SGMS1: variants seen among roughly 807,000 people sequenced by gnomAD.
SGMS1 encodes the protein sphingomyelin synthase 1, also known as phosphatidylcholine:ceramide cholinephosphotransferase 1.
A neutral mutation model predicts 46.2 loss-of-function variants in SGMS1; 13 were observed. That is an observed-to-expected ratio of 0.28 (90% CI 0.18 to 0.45). The LOEUF is 0.45. Among genes scored for constraint, SGMS1 ranks in the 20% least tolerant of loss-of-function variants. The pLI, the probability that SGMS1 is intolerant of heterozygous loss-of-function variation, is 1.00. For missense variants in SGMS1, 324 were observed against 519.9 expected (o/e 0.62, Z 3.66); for synonymous variants, 203 against 187.8 (o/e 1.08, Z -0.66).
At chr10:50,317,260 C>T (rs980244025) in intron 8 of SGMS1, among the ~76,000 whole-genome samples, 4 of 152,266 alleles carry the variant, frequency 2.6e-5, no homozygotes, top group Middle Eastern at 3.4e-3. Flanking sequence ...ACAATTTCTC[C>T]GGCCTTATTT....
At chr10:50,497,462 A>AT (rs1837624499) in intron 3 of SGMS1, among the ~76,000 whole-genome samples, 1 of 152,222 alleles carries the variant, frequency 6.6e-6, no homozygotes, top group Non-Finnish European at 1.5e-5. Context: ...AACCAGTGAG[A>AT]TTATGCAAGA....
intron 2 of SGMS1, among the ~76,000 whole-genome samples, chr10:50,525,658 G>A (rs925849761): frequency 1.3e-5 from 2 of 152,206 alleles, no homozygotes; most frequent in African/African-American, 4.8e-5. Context: ...AACATAATTT[G>A]AGGTACGAAA....
chr10:50,516,857 T>C (rs990470660), intron 3 of SGMS1, among the ~76,000 whole-genome samples: 2 of 152,160 alleles, frequency 1.3e-5, no homozygotes, highest in African/African-American at 4.8e-5. Flanking sequence ...ATGCATTGGT[T>C]AGCTCCAGGT....
At chr10:50,351,652 G>C (rs1848015011) in intron 6 of SGMS1, among the ~76,000 whole-genome samples, 1 of 152,048 alleles carries the variant, frequency 6.6e-6, no homozygotes, top group Non-Finnish European at 1.5e-5. Flanking sequence ...ATTTTTGCTT[G>C]CTCCTCATTT....
At chr10:50,454,310 T>C (rs1837162521) in intron 5 of SGMS1, among the ~76,000 whole-genome samples, 1 of 152,022 alleles carries the variant, frequency 6.6e-6, no homozygotes, top group Non-Finnish European at 1.5e-5. Context: ...AATAGAACTA[T>C]GAATGTAGCA....
At chr10:50,609,226 C>T (rs1020520323) in intron 1 of SGMS1, among the ~76,000 whole-genome samples, 1 of 152,198 alleles carries the variant, frequency 6.6e-6, no homozygotes, top group African/African-American at 2.4e-5. Context: ...CAGCCTCAGC[C>T]TCCCAAAGTG....
At chr10:50,503,993 T>C (rs1226846071) in intron 3 of SGMS1, among the ~76,000 whole-genome samples, 1 of 152,216 alleles carries the variant, frequency 6.6e-6, no homozygotes, top group Non-Finnish European at 1.5e-5. Flanking sequence ...CTATGCAACT[T>C]TGTGGCTACA....
rs114490567 is a variant in SGMS1, at chr10:50,405,645, C to T, written c.-232+27831G>A. 6.5e-3 allele frequency among the ~76,000 whole-genome samples: 989 copies of T among 152,212 alleles called. 7 individuals carry two copies. The highest frequency in any genetic ancestry group is 0.022 in the African/African-American group (930 of 41,532). ...CCTCACAAATGAAAGAAAAATCCTA[C>T]CATGTACAAATAAAATATACTAGAA... On this transcript the variant is annotated intron_variant, in intron 6 of 10. Coordinates refer to ENST00000361781, the MANE Select transcript of SGMS1 (RefSeq NM_147156.4).
intron 2 of SGMS1, among the ~76,000 whole-genome samples, chr10:50,527,353 T>C (rs1837913306): frequency 6.6e-6 from 1 of 152,238 alleles, no homozygotes; most frequent in Admixed American, 6.5e-5. Flanking sequence ...TATGTGTTCA[T>C]GCACACACTT....
intron 6 of SGMS1, among the ~76,000 whole-genome samples, chr10:50,380,061 G>C (rs1025312464): frequency 1.3e-5 from 2 of 151,994 alleles, no homozygotes; most frequent in African/African-American, 4.8e-5. Flanking sequence ...TCAAAAAATG[G>C]GACAGGCTGA....
At position 50,576,766 on chromosome 10, in the gene SGMS1, T is replaced by C. The variant is rs1292666991; in HGVS notation, c.-589+13387A>G. Among the ~76,000 whole-genome samples, 3 of 152,228 alleles carry C rather than the reference T, an allele frequency of 2.0e-5. 1 individual carries two copies. In the South Asian group the frequency reaches 6.2e-4, roughly 32 times the overall value. ...TTTTGATGTCACCCATTGCACCACA[T>C]GTATATACATAAGCTTCTGCCAATA... On this transcript the variant is annotated intron_variant, in intron 2 of 10. Coordinates refer to ENST00000361781, the MANE Select transcript of SGMS1 (RefSeq NM_147156.4).
intron 6 of SGMS1, among the ~76,000 whole-genome samples, chr10:50,425,876 A>C (rs759385932): frequency 6.6e-6 from 1 of 152,170 alleles, no homozygotes. Flanking sequence ...TTTTCCCTGA[A>C]CCTGTGGCAA....
chr10:50,309,181 A>G (rs574112679), intron 9 of SGMS1, among the ~76,000 whole-genome samples: 1 of 152,192 alleles, frequency 6.6e-6, no homozygotes, highest in Non-Finnish European at 1.5e-5. Context: ...AGTGAAGGGC[A>G]GTTTGCAATT....
At chr10:50,409,603 C>T (rs761443564) in intron 6 of SGMS1, among the ~76,000 whole-genome samples, 7 of 152,188 alleles carry the variant, frequency 4.6e-5, no homozygotes, top group Non-Finnish European at 1.0e-4. Context: ...CTGACCTTTA[C>T]TTGGACATAA....
intron 8 of SGMS1, among the ~76,000 whole-genome samples, chr10:50,323,187 G>A (rs1364873795): frequency 1.3e-5 from 2 of 152,170 alleles, no homozygotes; most frequent in Non-Finnish European, 2.9e-5. Context: ...TCGAGTGAAT[G>A]AACAATAAGA....
At chr10:50,545,333 A>G (rs929027914) in intron 2 of SGMS1, among the ~76,000 whole-genome samples, 1 of 152,134 alleles carries the variant, frequency 6.6e-6, no homozygotes, top group Non-Finnish European at 1.5e-5. Context: ...GAGGTGTCAG[A>G]GCCAAGGCAT....
intron 2 of SGMS1, among the ~76,000 whole-genome samples, chr10:50,543,368 A>G (rs2133821656): frequency 6.6e-6 from 1 of 152,372 alleles, no homozygotes; most frequent in Admixed American, 6.5e-5. Flanking sequence ...AAGTTATTTC[A>G]AAAAGCCAAG....
At chr10:50,465,872 A>G (rs1837322546) in intron 4 of SGMS1, among the ~76,000 whole-genome samples, 1 of 152,158 alleles carries the variant, frequency 6.6e-6, no homozygotes, top group South Asian at 2.1e-4. Context: ...TTCACAAACA[A>G]CCAACTTGGA....
intron 6 of SGMS1, among the ~76,000 whole-genome samples, chr10:50,391,403 A>G (rs559002585): frequency 1.3e-5 from 2 of 152,224 alleles, no homozygotes; most frequent in Non-Finnish European, 1.5e-5. Flanking sequence ...CATGCAGCCA[A>G]TAAGCATATG....
Sources: gnomAD v4.1 joint callset for allele counts (sites outside exome capture counted in the v4.1 genomes callset) on GRCh38, gnomAD v4.1.1 for gene constraint, MANE v1.5 for transcripts, NCBI Gene and HGNC (gene_info 2026-07-23, HGNC 2026-07-21) for gene names.